ESR1: variants seen among roughly 807,000 people sequenced by gnomAD.
ESR1 encodes estrogen receptor.
A neutral mutation model predicts 52.7 loss-of-function variants in ESR1; 12 were observed. The observed-to-expected ratio is 0.23, with a 90% CI of 0.15 to 0.37. The LOEUF is 0.37. Ranked by LOEUF, ESR1 falls within the 10% of genes least tolerant of loss-of-function variation. The probability of loss-of-function intolerance (pLI) is 1.00; values close to 1 mark genes in which losing one functional copy is unlikely to be tolerated. For synonymous variants in ESR1, 305 were observed against 316.8 expected (o/e 0.96, Z 0.39); for missense variants, 584 against 779.7 (o/e 0.75, Z 2.99).
chr6:151,908,835 G>A (rs966119930), intron 3 of ESR1, among the ~76,000 whole-genome samples: 2 of 150,678 alleles, frequency 1.3e-5, no homozygotes, highest in African/African-American at 2.4e-5. Flanking sequence ...TTTTCTTAAG[G>A]CCACAACTGG....
intron 2 of ESR1, among the ~76,000 whole-genome samples, chr6:151,858,189 A>G (rs1242459742): frequency 6.6e-6 from 1 of 152,240 alleles, no homozygotes; most frequent in Non-Finnish European, 1.5e-5. Flanking sequence ...TCAGGTGGAC[A>G]TCAGGTAGCT....
intron 1 of ESR1, among the ~76,000 whole-genome samples, chr6:151,825,322 G>A (rs868161412): frequency 2.0e-5 from 3 of 152,142 alleles, no homozygotes; most frequent in African/African-American, 7.2e-5. Flanking sequence ...TCTCCAATAC[G>A]TGGTTGGGTT....
chr6:152,060,201 G>A (rs1380230544), intron 5 of ESR1, among the ~76,000 whole-genome samples: 1 of 152,088 alleles, frequency 6.6e-6, no homozygotes, highest in Admixed American at 6.6e-5. Flanking sequence ...TTATTTAATA[G>A]TTGCAACTAC....
At chr6:152,010,286 A>T (rs1017358863) in intron 4 of ESR1, among the ~76,000 whole-genome samples, 53 of 152,248 alleles carry the variant, frequency 3.5e-4, no homozygotes, top group African/African-American at 1.2e-3. Flanking sequence ...CTGTAAGCAG[A>T]CCATTCATAC....
intron 2 of ESR1, among the ~76,000 whole-genome samples, chr6:151,846,997 G>C (rs960806928): frequency 3.9e-5 from 6 of 152,110 alleles, no homozygotes; most frequent in Non-Finnish European, 8.8e-5. Flanking sequence ...TGGCGTAGAG[G>C]GGGCTCAGGC....
intron 5 of ESR1, among the ~76,000 whole-genome samples, chr6:152,054,872 T>C (rs963268202): frequency 2.0e-5 from 3 of 152,228 alleles, no homozygotes; most frequent in Non-Finnish European, 2.9e-5. Flanking sequence ...GTTCCTTTAC[T>C]GATCATGCCA....
chr6:151,783,687 A>T (rs1224224683), intron 2 of ESR1, among the ~76,000 whole-genome samples: 1 of 152,206 alleles, frequency 6.6e-6, no homozygotes, highest in Non-Finnish European at 1.5e-5. Flanking sequence ...AACATCTTGC[A>T]TTAGTATGGT....
At chr6:151,776,553 G>C (rs1201773331) in intron 2 of ESR1, among the ~76,000 whole-genome samples, 3 of 152,118 alleles carry the variant, frequency 2.0e-5, no homozygotes, top group African/African-American at 7.2e-5. Flanking sequence ...GACTGGCCAC[G>C]GAGGCCGGCT....
intron 2 of ESR1, among the ~76,000 whole-genome samples, chr6:151,713,115 G>T (rs1277225529): frequency 6.6e-6 from 1 of 152,048 alleles, no homozygotes; most frequent in Non-Finnish European, 1.5e-5. Context: ...TTTGTCATTG[G>T]TTCTGTTTAT....
chr6:152,011,604 G>A (rs2042772107), intron 4 of ESR1, 52 bp from the exon 5 acceptor site: 1 of 1,609,776 alleles, frequency 6.2e-7, no homozygotes. Flanking sequence ...AATTTCACCA[G>A]TAATGAGTCT....
chr6:151,772,435 T>C (rs566508242), intron 2 of ESR1, among the ~76,000 whole-genome samples: 2 of 152,354 alleles, frequency 1.3e-5, no homozygotes, highest in South Asian at 2.1e-4. Flanking sequence ...CTTTGTGTGG[T>C]CATGGGTATG....
chr6:152,034,572 T>A (rs2045103686), intron 5 of ESR1, among the ~76,000 whole-genome samples: 1 of 152,204 alleles, frequency 6.6e-6, no homozygotes, highest in Non-Finnish European at 1.5e-5. Flanking sequence ...GTTTAATTTC[T>A]CGTATTTTTT....
intron 2 of ESR1, among the ~76,000 whole-genome samples, chr6:151,751,105 G>A (rs575339354): frequency 1.3e-5 from 2 of 152,244 alleles, no homozygotes; most frequent in East Asian, 3.9e-4. Context: ...CAGCATTAGT[G>A]GCTTCAATTT....
chr6:151,954,448 T>C lies in ESR1; in HGVS notation c.1096+9940T>C, dbSNP rs575028542. 2.3e-4 allele frequency among the ~76,000 whole-genome samples: 35 copies of C among 152,298 alleles called. No individual in the cohort carries two copies. In the South Asian group the frequency reaches 3.7e-3, roughly 16 times the overall value. On this transcript the variant is annotated intron_variant, in intron 4 of 7. Transcript: ENST00000206249. ...GTGTGATTGCTAAATGAAGGGGAAA[T>C]GTAATAAAATGATGGAAGTGCCCTT...
intron 5 of ESR1, among the ~76,000 whole-genome samples, chr6:152,038,636 CT>C (rs201087499): frequency 2.6e-4 from 39 of 148,310 alleles, no homozygotes; most frequent in Middle Eastern, 3.4e-3. Flanking sequence ...TCAATAAATA[CT>C]TTTTTTTTTT....
chr6:152,038,713 C>A (rs184292794), intron 5 of ESR1, among the ~76,000 whole-genome samples: 8 of 152,088 alleles, frequency 5.3e-5, no homozygotes, highest in Admixed American at 5.2e-4. Context: ...CTCACTGCAA[C>A]CTCCGCCTCC....
At chr6:151,681,856 G>A (rs775862146) in intron 1 of ESR1, among the ~76,000 whole-genome samples, 32 of 152,048 alleles carry the variant, frequency 2.1e-4, no homozygotes, top group Non-Finnish European at 2.8e-4. Context: ...TAGCAAACAA[G>A]GCCCCACCTG....
intron 3 of ESR1, among the ~76,000 whole-genome samples, chr6:151,899,367 T>C (rs866083914): frequency 0.027 from 1,514 of 55,380 alleles, 7 homozygotes; most frequent in African/African-American, 0.048. Context: ...CCCCACCTCC[T>C]TCCCGGACGG....
intron 4 of ESR1, among the ~76,000 whole-genome samples, chr6:151,973,597 G>A (rs921638564): frequency 1.3e-5 from 2 of 152,082 alleles, no homozygotes; most frequent in Admixed American, 6.6e-5. Flanking sequence ...ACCAGCCTCC[G>A]CAGGCCCTCT....
Sources: gnomAD v4.1 joint callset for allele counts (sites outside exome capture counted in the v4.1 genomes callset) on GRCh38, gnomAD v4.1.1 for gene constraint, MANE v1.5 for transcripts, NCBI Gene and HGNC (gene_info 2026-07-23, HGNC 2026-07-21) for gene names.